The following KCNK13 variants were observed in gnomAD, a reference collection of about 807,000 sequenced individuals.
KCNK13 encodes potassium channel subfamily K member 13.
In KCNK13, 12 loss-of-function variants were observed where a neutral mutation model predicts 23.4. The observed-to-expected ratio is 0.51, with a 90% CI of 0.33 to 0.83. The LOEUF is 0.83. Ranked by LOEUF, KCNK13 falls within the 40% of genes least tolerant of loss-of-function variation. KCNK13 has a pLI of 0.02. For missense variants in KCNK13, 463 were observed against 556.3 expected (o/e 0.83, Z 1.69); for synonymous variants, 231 against 229.5 (o/e 1.01, Z -0.06).
rs143244980 is a variant in KCNK13, at chr14:90,159,219, C to T, written c.335-24892C>T. On this transcript the variant is annotated intron_variant, in intron 1 of 1. Coordinates refer to ENST00000282146, the MANE Select transcript of KCNK13 (RefSeq NM_022054.4). ...TCCACTGAGAGTGGAGTGCTGATGA[C>T]CTAAACACTTCCCATTCGGCCCCAC... 1.4e-3 allele frequency among the ~76,000 whole-genome samples: 209 copies of T among 152,294 alleles called. 1 individual carries two copies. The highest frequency in any genetic ancestry group is 4.8e-3 in the African/African-American group (201 of 41,574).
At chr14:90,067,181 A>C (rs1205357746) in intron 1 of KCNK13, among the ~76,000 whole-genome samples, 1 of 152,210 alleles carries the variant, frequency 6.6e-6, no homozygotes, top group Non-Finnish European at 1.5e-5. Flanking sequence ...AGGCAGGAGA[A>C]TTGCTGGAAC....
In KCNK13 at chr14:90,185,071, C is replaced by T. The variant is rs1596815679; in HGVS notation, c.*68C>T. The stretch of plus-strand genomic sequence containing the variant: ...GGATGATTGCCGCCCAGGGGACGAG[C>T]TCAGCCCTGCGCCTTGGCTCTGTTC... On this transcript the variant is annotated 3_prime_UTR_variant, in exon 2 of 2. Coordinates refer to ENST00000282146, the MANE Select transcript of KCNK13 (RefSeq NM_022054.4). 1 of 1,359,814 alleles carries T rather than the reference C, an allele frequency of 7.4e-7. No homozygotes were observed. The highest frequency in any genetic ancestry group is 9.8e-7 in the Non-Finnish European group (1 of 1,021,158). 84.2% of individuals were successfully genotyped at this position (1,359,814 alleles called of 1,614,324 possible).
intron 1 of KCNK13, chr14:90,107,958 T>G: frequency 1.4e-6 from 1 of 733,576 alleles, no homozygotes; most frequent in Non-Finnish European, 2.6e-6. Context: ...AGTGGGGAAC[T>G]GCTGACGCGG....
chr14:90,065,972 C>A (rs1340555514), intron 1 of KCNK13, among the ~76,000 whole-genome samples: 1 of 152,036 alleles, frequency 6.6e-6, no homozygotes, highest in Non-Finnish European at 1.5e-5. Flanking sequence ...GTACCTAATT[C>A]TCCTTTTTTG....
At chr14:90,085,769 AT>A (rs1480517012) in intron 1 of KCNK13, among the ~76,000 whole-genome samples, 2 of 107,812 alleles carry the variant, frequency 1.9e-5, no homozygotes, top group African/African-American at 7.2e-5. Flanking sequence ...TATTATATAA[AT>A]TATATATATT....
At chr14:90,065,468 C>T (rs1888996622) in intron 1 of KCNK13, among the ~76,000 whole-genome samples, 1 of 152,138 alleles carries the variant, frequency 6.6e-6, no homozygotes, top group African/African-American at 2.4e-5. Context: ...GCAAGGGATA[C>T]AGGTCGGTGC....
chr14:90,173,532 A>T (rs1054301473), intron 1 of KCNK13, among the ~76,000 whole-genome samples: 14 of 152,166 alleles, frequency 9.2e-5, no homozygotes, highest in African/African-American at 3.1e-4. Flanking sequence ...AATGTTATCG[A>T]ACTGAACTGG....
intron 1 of KCNK13, among the ~76,000 whole-genome samples, chr14:90,145,974 G>T (rs192479886): frequency 6.6e-6 from 1 of 152,046 alleles, no homozygotes; most frequent in African/African-American, 2.4e-5. Context: ...TCACGCCTGG[G>T]TAACAGAAAA....
At chr14:90,082,830 G>A (rs1454007941) in intron 1 of KCNK13, among the ~76,000 whole-genome samples, 4 of 152,164 alleles carry the variant, frequency 2.6e-5, no homozygotes, top group Non-Finnish European at 1.5e-5. Context: ...GAATTGCTAG[G>A]TCATGTAGTA....
chr14:90,150,569 A>G (rs1890124244), intron 1 of KCNK13, among the ~76,000 whole-genome samples: 1 of 152,246 alleles, frequency 6.6e-6, no homozygotes, highest in African/African-American at 2.4e-5. Flanking sequence ...GGCAAAAACC[A>G]GCCACATCAG....
At chr14:90,151,280 G>C (rs74780269) in intron 1 of KCNK13, among the ~76,000 whole-genome samples, 10,928 of 152,210 alleles carry the variant, frequency 0.072, 470 homozygotes, top group South Asian at 0.21. Context: ...TACAAGAGTT[G>C]TCTTTTACCA....
chr14:90,149,045 A>C (rs1890105531), intron 1 of KCNK13, among the ~76,000 whole-genome samples: 1 of 152,086 alleles, frequency 6.6e-6, no homozygotes, highest in Admixed American at 6.6e-5. Context: ...AATACCTAAG[A>C]CTGGGTAATT....
intron 1 of KCNK13, among the ~76,000 whole-genome samples, chr14:90,183,209 C>T (rs1025907671): frequency 6.6e-6 from 1 of 152,068 alleles, no homozygotes; most frequent in African/African-American, 2.4e-5. Context: ...GCAAAATGAA[C>T]GTTTTATAGT....
At chr14:90,079,003 T>G (rs1004135754) in intron 1 of KCNK13, among the ~76,000 whole-genome samples, 33 of 152,220 alleles carry the variant, frequency 2.2e-4, no homozygotes, top group African/African-American at 8.0e-4. Flanking sequence ...CTCTATCCCG[T>G]AGAAGAGGTC....
At chr14:90,073,507 T>G (rs557494572) in intron 1 of KCNK13, among the ~76,000 whole-genome samples, 16 of 152,268 alleles carry the variant, frequency 1.1e-4, no homozygotes, top group African/African-American at 3.6e-4. Flanking sequence ...TCTTGGGTCT[T>G]CTCTCCTTTT....
intron 1 of KCNK13, among the ~76,000 whole-genome samples, chr14:90,118,960 G>A (rs1329752243): frequency 2.6e-5 from 4 of 152,090 alleles, no homozygotes; most frequent in African/African-American, 9.7e-5. Flanking sequence ...CAAAGAGGAT[G>A]TTACCACTGA....
chr14:90,149,084 C>T (rs923172735), intron 1 of KCNK13, among the ~76,000 whole-genome samples: 2 of 152,144 alleles, frequency 1.3e-5, no homozygotes, highest in Admixed American at 6.5e-5. Context: ...TGCCCAGGCA[C>T]GGTGGCTCAC....
chr14:90,085,128 G>C (rs1039668397), intron 1 of KCNK13, among the ~76,000 whole-genome samples: 3 of 151,654 alleles, frequency 2.0e-5, no homozygotes, highest in African/African-American at 7.3e-5. Context: ...ATTTTTAGTA[G>C]AGATGGGGTT....
intron 1 of KCNK13, among the ~76,000 whole-genome samples, chr14:90,091,356 G>T (rs1471838317): frequency 6.6e-6 from 1 of 152,112 alleles, no homozygotes; most frequent in Admixed American, 6.5e-5. Flanking sequence ...GGTAAAGAAT[G>T]AACTCTATGG....
Sources: gnomAD v4.1 joint callset for allele counts (sites outside exome capture counted in the v4.1 genomes callset) on GRCh38, gnomAD v4.1.1 for gene constraint, MANE v1.5 for transcripts, NCBI Gene and HGNC (gene_info 2026-07-23, HGNC 2026-07-21) for gene names.